POLR1D: variants seen among roughly 807,000 people sequenced by gnomAD.
POLR1D encodes DNA-directed RNA polymerases I and III subunit RPAC2.
Under a neutral mutation model 10.8 loss-of-function variants are expected in POLR1D, and 8 were observed. The ratio of observed to expected loss-of-function variants is 0.74; its 90% confidence interval spans 0.43 to 1.33. The LOEUF (loss-of-function observed/expected upper bound fraction) is 1.33. Among genes scored for constraint, POLR1D ranks in the 40% most tolerant of loss-of-function variants. The pLI is 0.01. For synonymous variants in POLR1D, 54 were observed against 57.2 expected, an observed-to-expected ratio of 0.94 and a Z score of 0.25; for missense variants, 152 against 161.7, an observed-to-expected ratio of 0.94 and a Z score of 0.32.
At chr13:27,626,547 G>A (rs915177435), downstream of POLR1D, among the ~76,000 whole-genome samples, 2 of 152,176 alleles carry the variant, frequency 1.3e-5, no homozygotes, top group Non-Finnish European at 2.9e-5. Flanking sequence ...AGGGACCTGA[G>A]GGAAAGCTGA....
downstream of POLR1D, among the ~76,000 whole-genome samples, chr13:27,628,046 T>C (rs1311346741): frequency 6.6e-6 from 1 of 152,212 alleles, no homozygotes; most frequent in African/African-American, 2.4e-5. Flanking sequence ...GCAGGATTTA[T>C]CATTTCTTTT....
chr13:27,622,280 C>T (rs373512209), intron 1 of POLR1D: 2 of 564,718 alleles, frequency 3.5e-6, no homozygotes, highest in East Asian at 3.0e-5. Context: ...AATCACGCCC[C>T]GGGCCTCTGC....
intron 2 of POLR1D, among the ~76,000 whole-genome samples, chr13:27,654,246 A>G (rs1175169807): frequency 6.6e-6 from 1 of 152,224 alleles, no homozygotes; most frequent in East Asian, 1.9e-4. Flanking sequence ...TATTACAGTA[A>G]AAGCCCTTTA....
upstream of POLR1D, chr13:27,621,204 T>C (rs766248186): frequency 2.8e-4 from 43 of 152,370 alleles, no homozygotes; most frequent in African/African-American, 1.0e-3. Flanking sequence ...GAAAAGGAAG[T>C]CTACAGCCGG....
At chr13:27,653,095 G>T (rs1422957045) in intron 2 of POLR1D, among the ~76,000 whole-genome samples, 1 of 151,408 alleles carries the variant, frequency 6.6e-6, no homozygotes, top group East Asian at 2.0e-4. Context: ...TAGAGATCGG[G>T]TTTCACCATC....
chr13:27,645,142 C>T (rs750071014), intron 1 of POLR1D, among the ~76,000 whole-genome samples: 1 of 152,148 alleles, frequency 6.6e-6, no homozygotes, highest in African/African-American at 2.4e-5. Context: ...AGCGAATGCT[C>T]AACATTCTTA....
At chr13:27,636,511 T>C (rs985448170) in intron 1 of POLR1D, among the ~76,000 whole-genome samples, 5 of 152,180 alleles carry the variant, frequency 3.3e-5, no homozygotes, top group Admixed American at 6.5e-5. Flanking sequence ...GAAACTTTTC[T>C]AAAAACACTG....
At chr13:27,648,712 G>A (rs975720632) in intron 2 of POLR1D, among the ~76,000 whole-genome samples, 1 of 151,896 alleles carries the variant, frequency 6.6e-6, no homozygotes, top group Non-Finnish European at 1.5e-5. Context: ...TCTCCAAGAG[G>A]TATTTAGATA....
intron 2 of POLR1D, among the ~76,000 whole-genome samples, chr13:27,664,334 G>A (rs78834625): frequency 0.04 from 6,083 of 152,136 alleles, 351 homozygotes; most frequent in African/African-American, 0.14. Context: ...TTTGCCCTTC[G>A]TCTCATTCAC....
chr13:27,622,019 G>T lies in POLR1D; in HGVS notation c.26+10G>T. The T allele has an allele frequency of 1.3e-6, 2 of 1,584,926 alleles. No homozygotes were observed. The highest frequency in any genetic ancestry group is 1.3e-5 in the African/African-American group (1 of 74,820). On this transcript the variant is annotated intron_variant, in intron 1 of 1. Transcript: ENST00000302979. ...ATCAGGAGCTGGAGAGGTAACGGCC[G>T]AGGAGGAGGCGGGCGGAGCGGGCCG...
rs1364026073 is a variant in POLR1D, at chr13:27,621,931, A to G, written c.-53A>G. 9.6e-6 allele frequency: 15 copies of G among 1,564,054 alleles called. No homozygotes were observed. Among genetic ancestry groups the G allele is most frequent in the Non-Finnish European group, 1.1e-5 (13 of 1,151,264 alleles). On this transcript the variant is annotated 5_prime_UTR_variant, in exon 1 of 2. Coordinates refer to ENST00000302979, the MANE Select transcript of POLR1D (RefSeq NM_015972.4). ...TCGCCTCCGCGCCTCGCGCTATGGG[A>G]CAGAGCCCCCGATCCGCCAGCACCA...
chr13:27,642,611 CA>C (rs1956185113), intron 1 of POLR1D, among the ~76,000 whole-genome samples: 1 of 151,934 alleles, frequency 6.6e-6, no homozygotes, highest in Admixed American at 6.6e-5. Context: ...CACACATACC[CA>C]GAACCCATTT....
downstream of POLR1D, among the ~76,000 whole-genome samples, chr13:27,625,362 G>C (rs1011748362): frequency 2.0e-5 from 3 of 152,286 alleles, no homozygotes; most frequent in South Asian, 6.2e-4. Context: ...GCTAGTGATG[G>C]AGAAGAGAAG....
chr13:27,649,184 G>C (rs957814918), intron 2 of POLR1D, among the ~76,000 whole-genome samples: 5 of 152,054 alleles, frequency 3.3e-5, no homozygotes, highest in Non-Finnish European at 5.9e-5. Context: ...GAATAAGGAG[G>C]GTCATTAAAA....
intron 2 of POLR1D, chr13:27,648,531 A>G (rs962972675): frequency 2.3e-6 from 2 of 886,600 alleles, no homozygotes; most frequent in Non-Finnish European, 3.7e-6. Flanking sequence ...AATCTTTAGC[A>G]TATAGAGGAA....
chr13:27,623,516 G>A, downstream of POLR1D: 1 of 478,316 alleles, frequency 2.1e-6, no homozygotes, highest in Non-Finnish European at 3.4e-6. Flanking sequence ...TTCTAATTAA[G>A]CCAGCATTGA....
intron 1 of POLR1D, among the ~76,000 whole-genome samples, chr13:27,632,212 G>T (rs1338724861): frequency 6.6e-6 from 1 of 152,150 alleles, no homozygotes; most frequent in Non-Finnish European, 1.5e-5. Context: ...TTTTTACTTT[G>T]CAAGAGCAGT....
chr13:27,667,348 G>A (rs1268788904), exon 3 of POLR1D: 1 of 152,184 alleles, frequency 6.6e-6, no homozygotes, highest in African/African-American at 2.4e-5. Context: ...ATTAGAAATA[G>A]CACAAAGTCA....
downstream of POLR1D, among the ~76,000 whole-genome samples, chr13:27,625,684 A>G (rs547982614): frequency 4.6e-5 from 7 of 152,272 alleles, no homozygotes; most frequent in East Asian, 1.4e-3. Context: ...AGAGGGTGAC[A>G]AAGAAGTGGG....
Sources: gnomAD v4.1 joint callset for allele counts (sites outside exome capture counted in the v4.1 genomes callset) on GRCh38, gnomAD v4.1.1 for gene constraint, MANE v1.5 for transcripts, NCBI Gene and HGNC (gene_info 2026-07-23, HGNC 2026-07-21) for gene names.